The following NUP98 variants were observed in gnomAD, a reference collection of about 807,000 sequenced individuals.
NUP98 encodes nuclear pore complex protein Nup98-Nup96.
A neutral mutation model predicts 191.9 loss-of-function variants in NUP98; 26 were observed. The observed-to-expected ratio is 0.14, with a 90% CI of 0.10 to 0.19. The LOEUF is 0.19. Ranked by LOEUF, NUP98 falls within the 10% of genes least tolerant of loss-of-function variation. The pLI, the probability that NUP98 is intolerant of heterozygous loss-of-function variation, is 1.00. For missense variants in NUP98, 1,941 were observed against 2,178.8 expected, an observed-to-expected ratio of 0.89 and a Z score of 2.17; for synonymous variants, 808 against 778.4, an observed-to-expected ratio of 1.04 and a Z score of -0.63.
chr11:3,679,614 T>A lies in NUP98; in HGVS notation c.5013A>T (p.Thr1671=). The A allele has an allele frequency of 6.2e-7, 1 of 1,614,216 alleles. No homozygotes were observed. Among genetic ancestry groups the A allele is most frequent in the Non-Finnish European group, 8.5e-7 (1 of 1,180,034 alleles). The change falls in exon 31 of 33, where the codon ACA becomes ACT. Residue 1671 remains threonine, a synonymous_variant. Transcript: ENST00000324932. ...TATAGTCCAGGTAAACAAGCCCAGATGTTTCCCAATCCTGAATTAGGCTGC... is the reference window on the plus strand; with the variant it reads ...TATAGTCCAGGTAAACAAGCCCAGAAGTTTCCCAATCCTGAATTAGGCTGC... ...ERSSLIQDWE[T]SGLVYLDYIR...
chr11:3,685,547 A>G (rs1434232624), intron 29 of NUP98, among the ~76,000 whole-genome samples: 1 of 151,710 alleles, frequency 6.6e-6, no homozygotes, highest in Non-Finnish European at 1.5e-5. Context: ...AATAGTTCTG[A>G]TCTGAAATTA....
chr11:3,740,276 C>T (rs949436200), intron 12 of NUP98, among the ~76,000 whole-genome samples: 7 of 151,932 alleles, frequency 4.6e-5, no homozygotes, highest in African/African-American at 1.2e-4. Context: ...TTTGGGAGGC[C>T]GAAGCGAGAG....
chr11:3,702,648 A>G lies in NUP98; in HGVS notation c.3327T>C (p.Tyr1109=), dbSNP rs2078745015. 6.2e-7 allele frequency: 1 copy of G among 1,614,156 alleles called. No homozygotes were observed. The highest frequency in any genetic ancestry group is 8.5e-7 in the Non-Finnish European group (1 of 1,180,036). The part of the protein sequence containing the change: ...GLVPREKSVT[Y]GKGKLLMDMA... ...TGTCCATCAAGAGTTTTCCCTTGCC[A>G]TAGGTGACAGACTTTTCACGAGGGA... The change falls in exon 23 of 33, where the codon TAT becomes TAC. Residue 1109 remains tyrosine, a synonymous_variant. Transcript: ENST00000324932.
intron 31 of NUP98, 126 bp downstream of exon 31, chr11:3,679,428 G>T: frequency 2.7e-6 from 3 of 1,096,502 alleles, no homozygotes; most frequent in Admixed American, 1.7e-5. Flanking sequence ...TCAGCAAGAT[G>T]CCTGCTTTGA....
intron 1 of NUP98, among the ~76,000 whole-genome samples, chr11:3,792,407 C>A (rs1200291917): frequency 1.3e-5 from 2 of 151,882 alleles, no homozygotes; most frequent in East Asian, 1.9e-4. Context: ...GTCAGGAGTT[C>A]CAGACCAGCC....
intron 18 of NUP98, among the ~76,000 whole-genome samples, chr11:3,716,617 G>A (rs1041585605): frequency 1.3e-5 from 2 of 152,082 alleles, no homozygotes; most frequent in Non-Finnish European, 2.9e-5. Flanking sequence ...GCTGAGGCAG[G>A]AGAATAGCTT....
At chr11:3,788,933 G>A (rs2082239379) in intron 1 of NUP98, among the ~76,000 whole-genome samples, 1 of 152,066 alleles carries the variant, frequency 6.6e-6, no homozygotes, top group Non-Finnish European at 1.5e-5. Context: ...GATAACAACA[G>A]TGAAACTCCA....
intron 12 of NUP98, among the ~76,000 whole-genome samples, chr11:3,741,486 T>C (rs1484627911): frequency 6.6e-6 from 1 of 151,922 alleles, no homozygotes; most frequent in Non-Finnish European, 1.5e-5. Context: ...GCTGGGCGTG[T>C]GGCAGGCACC....
intron 28 of NUP98, among the ~76,000 whole-genome samples, chr11:3,687,929 T>C (rs2078178569): frequency 6.6e-6 from 1 of 152,070 alleles, no homozygotes; most frequent in African/African-American, 2.4e-5. Context: ...TTAGCAAAGA[T>C]GTACAGATGG....
chr11:3,791,166 A>G (rs2082330979), intron 1 of NUP98, among the ~76,000 whole-genome samples: 1 of 151,968 alleles, frequency 6.6e-6, no homozygotes, highest in Non-Finnish European at 1.5e-5. Flanking sequence ...AAGTGCTGGG[A>G]TTACAGGCGT....
At chr11:3,763,457 T>G (rs2081240399) in intron 8 of NUP98, among the ~76,000 whole-genome samples, 1 of 152,206 alleles carries the variant, frequency 6.6e-6, no homozygotes, top group Admixed American at 6.6e-5. Flanking sequence ...TGAAAAGAAC[T>G]AATCAGTATC....
chr11:3,696,589 A>G (rs930320703), intron 25 of NUP98: 4 of 151,904 alleles, frequency 2.6e-5, no homozygotes, highest in African/African-American at 9.7e-5. Context: ...CAGGCGGATC[A>G]CCTGAGGTCA....
rs201426847 is a variant in NUP98, at chr11:3,693,395, C to T, written c.4168-20G>A. 185 of 1,613,310 alleles carry T rather than the reference C, an allele frequency of 1.1e-4. No homozygotes were observed. Among genetic ancestry groups the T allele is most frequent in the Non-Finnish European group, 1.5e-4 (176 of 1,179,524 alleles). ...CCACACCTGTGCGAAACAAAATCAT[C>T]ACCATGGCTATATTCTACCTTGTTA... On this transcript the variant is annotated intron_variant, in intron 26 of 32. Transcript: ENST00000324932.
rs1279960762 is a variant in NUP98, at chr11:3,676,840, T to C, written c.5074-220A>G. ...GTAACACAGTTACCTAGCCTTGGAC[T>C]AGGAAAAGTCTTGAGATCCCGAACT... On this transcript the variant is annotated intron_variant, in intron 31 of 32. Coordinates refer to ENST00000324932, the MANE Select transcript of NUP98 (RefSeq NM_016320.5). The C allele has an allele frequency of 6.2e-6, 4 of 640,428 alleles. No homozygotes were observed. The African/African-American group carries it at 7.2e-5, about 12-fold the overall frequency. 39.7% of individuals were successfully genotyped at this position (640,428 alleles called of 1,614,324 possible). A position where few individuals can be genotyped will look rare whatever the true frequency, so the allele number is the denominator to read the frequency against.
At chr11:3,701,717 A>G (rs1342671046) in intron 23 of NUP98, among the ~76,000 whole-genome samples, 1 of 148,640 alleles carries the variant, frequency 6.7e-6, no homozygotes, top group African/African-American at 2.5e-5. Flanking sequence ...ACTGAGTCTC[A>G]TTCAGTTGCC....
At chr11:3,705,412 C>G (rs1455152813) in intron 21 of NUP98, 56 bp from the exon 22 acceptor site, 1 of 1,515,756 alleles carries the variant, frequency 6.6e-7, no homozygotes, top group Non-Finnish European at 9.0e-7. Context: ...AAGGCCATAC[C>G]AAAAAAAAAT....
At chr11:3,736,720 T>C (rs1205017278) in intron 12 of NUP98, among the ~76,000 whole-genome samples, 4 of 152,382 alleles carry the variant, frequency 2.6e-5, no homozygotes, top group Admixed American at 1.3e-4. Context: ...TGTGGAAATA[T>C]GAAATTATCT....
chr11:3,773,683 G>A lies in NUP98; in HGVS notation c.552C>T (p.Thr184=), dbSNP rs984349167. The A allele has an allele frequency of 5.6e-6, 9 of 1,613,406 alleles. No homozygotes were observed. Among genetic ancestry groups the A allele is most frequent in the African/African-American group, 1.3e-5 (1 of 74,892 alleles). Reference sequence around the variant, plus strand: ...TCATAGCAGTAATACACTGGTGCTTGGTACTTATGTTAGTGCTAACTCCAG... The same window carrying A: ...TCATAGCAGTAATACACTGGTGCTTAGTACTTATGTTAGTGCTAACTCCAG... The part of the protein sequence containing the change: ...VKAGVSTNIS[T]KHQCITAMKE... The change falls in exon 6 of 33, where the codon ACC becomes ACT. Residue 184 remains threonine (T), a synonymous_variant. Transcript: ENST00000324932.
At chr11:3,694,022 G>C (rs924034096) in intron 26 of NUP98, among the ~76,000 whole-genome samples, 4 of 151,600 alleles carry the variant, frequency 2.6e-5, no homozygotes, top group African/African-American at 7.3e-5. Flanking sequence ...CCTGAGGTCA[G>C]GAGTTCCAGA....
Sources: allele counts gnomAD v4.1 joint callset (sites outside exome capture counted in the v4.1 genomes callset), GRCh38; gene constraint gnomAD v4.1.1; transcripts MANE v1.5; gene names NCBI Gene and HGNC (gene_info 2026-07-23, HGNC 2026-07-21).